Variants in SYT4 observed in about 807,000 individuals in gnomAD.
SYT4 encodes the protein synaptotagmin-4.
A neutral mutation model predicts 32.9 loss-of-function variants in SYT4; 7 were observed. The ratio of observed to expected loss-of-function variants is 0.21; its 90% confidence interval spans 0.12 to 0.40. SYT4 has a LOEUF of 0.40. Ranked by LOEUF, SYT4 falls within the 10% of genes least tolerant of loss-of-function variation. SYT4 has a pLI of 1.00. For missense variants in SYT4, 480 were observed against 488.0 expected, an observed-to-expected ratio of 0.98 and a Z score of 0.16; for synonymous variants, 205 against 186.2, an observed-to-expected ratio of 1.10 and a Z score of -0.82.
intron 2 of SYT4, among the ~76,000 whole-genome samples, chr18:43,273,199 A>G (rs1428707534): frequency 6.6e-6 from 1 of 152,156 alleles, no homozygotes; most frequent in Non-Finnish European, 1.5e-5. Flanking sequence ...TTTCAATTTT[A>G]AATTCAATTA....
At position 43,270,245 on chromosome 18, in the gene SYT4, T is replaced by C; in HGVS notation, c.*96A>G. ...AGCAACAACAACAACAACAAAAAGGTAGCTTGATTTCCCAAGCTTGCAATC... is the reference window on the plus strand; with the variant it reads ...AGCAACAACAACAACAACAAAAAGGCAGCTTGATTTCCCAAGCTTGCAATC... On this transcript the variant is annotated 3_prime_UTR_variant, in exon 4 of 4. Coordinates refer to ENST00000255224, the MANE Select transcript of SYT4 (RefSeq NM_020783.4). 3 of 1,299,420 alleles carry C rather than the reference T, an allele frequency of 2.3e-6. No homozygotes were observed. The highest frequency in any genetic ancestry group is 3.2e-6 in the Non-Finnish European group (3 of 938,068). The allele number at this position is 1,299,420 out of a possible 1,614,324, so 80.5% of individuals were successfully genotyped here.
In SYT4 at chr18:43,277,237, A is replaced by G; in HGVS notation, c.34+11T>C. 1 of 1,614,000 alleles carries G rather than the reference A, an allele frequency of 6.2e-7. No individual in the cohort carries two copies. The highest frequency in any genetic ancestry group is 8.5e-7 in the Non-Finnish European group (1 of 1,179,922). Reference sequence around the variant, plus strand: ...GAATAACCGCAGTCATAAGTTCAGTAACTTGCTTACCAAATTCTTCCCGGC... The same window carrying G: ...GAATAACCGCAGTCATAAGTTCAGTGACTTGCTTACCAAATTCTTCCCGGC... On this transcript the variant is annotated intron_variant, in intron 1 of 3. Transcript: ENST00000255224.
rs1257933033 is a variant in SYT4, at chr18:43,269,978, C to T, written c.*363G>A. 1.6e-5 allele frequency: 3 copies of T among 186,220 alleles called. No homozygotes were observed. Among genetic ancestry groups the T allele is most frequent in the African/African-American group, 2.4e-5 (1 of 42,474 alleles). The allele number at this position is 186,220 out of a possible 1,614,324, so 11.5% of individuals were successfully genotyped here. A position where few individuals can be genotyped will look rare whatever the true frequency, so the allele number is the denominator to read the frequency against. ...TTTTCACAAGGCAAGGCATACTTTT[C>T]GTTTTTAAATCTTAATCACATTAAC... On this transcript the variant is annotated 3_prime_UTR_variant, in exon 4 of 4. Coordinates refer to ENST00000255224, the MANE Select transcript of SYT4 (RefSeq NM_020783.4).
At chr18:43,271,565 A>C (rs1908630604) in intron 3 of SYT4, 147 bp downstream of exon 3, 3 of 1,064,514 alleles carry the variant, frequency 2.8e-6, no homozygotes, top group Non-Finnish European at 3.9e-6. Context: ...TTTTTTGTAA[A>C]GCTAGTCATA....
At position 43,270,740 on chromosome 18, in the gene SYT4, A is replaced by G. The variant is rs1304207354; in HGVS notation, c.971-92T>C. ...GTGCCCTTAGAGATCATGGCATGCC[A>G]ATGACATGTGGTTACCAGGAAAATA... is the stretch of plus-strand genomic sequence containing the variant. On this transcript the variant is annotated intron_variant, in intron 3 of 3. Coordinates refer to ENST00000255224, the MANE Select transcript of SYT4 (RefSeq NM_020783.4). 11 of 1,351,424 alleles carry G rather than the reference A, an allele frequency of 8.1e-6. No homozygotes were observed. The East Asian group carries it at 1.6e-4, about 20-fold the overall frequency. 83.7% of individuals were successfully genotyped at this position (1,351,424 alleles called of 1,614,324 possible).
rs1046276785 is a variant in SYT4 at position 43,269,867 on chromosome 18, A to G, written c.*474T>C. 6.2e-6 allele frequency: 1 copy of G among 161,916 alleles called. No individual in the cohort carries two copies. The highest frequency in any genetic ancestry group is 1.4e-5 in the Non-Finnish European group (1 of 73,346). 10.0% of individuals were successfully genotyped at this position (161,916 alleles called of 1,614,324 possible). A position where few individuals can be genotyped will look rare whatever the true frequency, so the allele number is the denominator to read the frequency against. ...ACAACCATTTGCACATGACAGAATT[A>G]ATAAATACAAACTGGAGGACATTTT... On this transcript the variant is annotated 3_prime_UTR_variant, in exon 4 of 4. Transcript: ENST00000255224.
Position 43,270,312 on chromosome 18 carries a change from C to G in SYT4, c.*29G>C. On this transcript the variant is annotated 3_prime_UTR_variant, in exon 4 of 4. Coordinates refer to ENST00000255224, the MANE Select transcript of SYT4 (RefSeq NM_020783.4). The stretch of plus-strand genomic sequence containing the variant: ...AAAATTTCTCCTTGCCTAGTAAAAA[C>G]CTTTAAGTTCCAACTCACGGCTAGG... The G allele has an allele frequency of 6.3e-7, 1 of 1,598,962 alleles. No homozygotes were observed. The highest frequency in any genetic ancestry group is 8.5e-7 in the Non-Finnish European group (1 of 1,171,178).
chr18:43,271,584 A>T, intron 3 of SYT4, 128 bp downstream of exon 3: 1 of 1,269,046 alleles, frequency 7.9e-7, no homozygotes, highest in Non-Finnish European at 1.1e-6. Flanking sequence ...TAAAACTAAA[A>T]GCTAACTTTT....
intron 1 of SYT4, 86 bp downstream of exon 1, chr18:43,277,162 C>T: frequency 6.4e-7 from 1 of 1,553,692 alleles, no homozygotes; most frequent in Non-Finnish European, 8.8e-7. Flanking sequence ...CTGTATTCAA[C>T]AACCGGGCAA....
chr18:43,273,146 A>G (rs1384561180), intron 2 of SYT4, among the ~76,000 whole-genome samples: 1 of 151,972 alleles, frequency 6.6e-6, no homozygotes, highest in Non-Finnish European at 1.5e-5. Context: ...TGGAAAGTCA[A>G]TACAATTTCC....
chr18:43,277,165 C>T, intron 1 of SYT4, 83 bp downstream of exon 1: 1 of 1,559,456 alleles, frequency 6.4e-7, no homozygotes, highest in Non-Finnish European at 8.8e-7. Flanking sequence ...TATTCAACAA[C>T]CGGGCAAAAA....
rs745806761 is a variant in SYT4, at chr18:43,270,565, C to A, written c.1054G>T (p.Ala352Ser). 4 of 1,614,024 alleles carry A rather than the reference C, an allele frequency of 2.5e-6. No homozygotes were observed. The highest frequency in any genetic ancestry group is 3.4e-6 in the Non-Finnish European group (4 of 1,179,962). ...AAGACAAACAGCTCATTGAACACTGCATTGGGGGTGCATTTCTTCACATGA... is the reference window on the plus strand; with the variant it reads ...AAGACAAACAGCTCATTGAACACTGAATTGGGGGTGCATTTCTTCACATGA... ...KTHVKKCTPNAVFNELFVFDI... is the reference protein window; with the variant it reads ...KTHVKKCTPNSVFNELFVFDI... The change falls in exon 4 of 4, where the codon GCA (alanine) becomes TCA (serine). Residue 352 changes from alanine to serine, a missense_variant. By Grantham distance (99) the Ala-to-Ser change is moderately conservative. Transcript: ENST00000255224.
At position 43,269,894 on chromosome 18, in the gene SYT4, T is replaced by G. The variant is rs1031243584; in HGVS notation, c.*447A>C. On this transcript the variant is annotated 3_prime_UTR_variant, in exon 4 of 4. Coordinates refer to ENST00000255224, the MANE Select transcript of SYT4 (RefSeq NM_020783.4). ...TAAATACAAACTGGAGGACATTTTT[T>G]TAGTATCTTTGGATTTAAAGAAAAA... is the stretch of plus-strand genomic sequence containing the variant. 6.1e-6 allele frequency: 1 copy of G among 164,162 alleles called. No homozygotes were observed. The highest frequency in any genetic ancestry group is 2.4e-5 in the African/African-American group (1 of 41,548). The allele number at this position is 164,162 out of a possible 1,614,324, so 10.2% of individuals were successfully genotyped here.
At chr18:43,276,415 C>T (rs1382914138) in intron 1 of SYT4, among the ~76,000 whole-genome samples, 8 of 152,098 alleles carry the variant, frequency 5.3e-5, no homozygotes, top group Non-Finnish European at 7.4e-5. Context: ...TTAAAAAATA[C>T]GTGTAAGTAA....
intron 3 of SYT4, 145 bp from the exon 4 acceptor site, chr18:43,270,793 A>AGAG: frequency 1.2e-6 from 1 of 800,376 alleles, no homozygotes; most frequent in Non-Finnish European, 1.9e-6. Context: ...AATATGGATA[A>AGAG]AACTTGGCAT....
rs1272271006 is a variant in SYT4 at position 43,273,796 on chromosome 18, C to T, written c.633G>A (p.Leu211=). The change falls in exon 2 of 4, where the codon CTG becomes CTA. Residue 211 remains leucine (L), a synonymous_variant. Transcript: ENST00000255224. The part of the protein sequence containing the change: ...EKKHKVKTRV[L]RKTLDPAFDE... ...CAAAAGCTGGATCCAAGGTTTTTCT[C>T]AGCACTCTAGTTTTCACTTTATGCT... The T allele has an allele frequency of 6.2e-7, 1 of 1,614,022 alleles. No individual in the cohort carries two copies. Among genetic ancestry groups the T allele is most frequent in the Non-Finnish European group, 8.5e-7 (1 of 1,179,926 alleles).
In SYT4 at chr18:43,277,333, A is replaced by G. The variant is rs1236502022; in HGVS notation, c.-52T>C. On this transcript the variant is annotated 5_prime_UTR_variant, in exon 1 of 4. Transcript: ENST00000255224. Reference sequence around the variant, plus strand: ...GCTGAAGGGAAAACTGCCTGGCTGGATTCACTTGCCTGGATCTCAAGCGCC... The same window carrying G: ...GCTGAAGGGAAAACTGCCTGGCTGGGTTCACTTGCCTGGATCTCAAGCGCC... 6.2e-7 allele frequency: 1 copy of G among 1,610,340 alleles called. No homozygotes were observed. The highest frequency in any genetic ancestry group is 1.3e-5 in the African/African-American group (1 of 74,900).
In SYT4 at chr18:43,269,432, C is replaced by T. The variant is rs1039205090; in HGVS notation, c.*909G>A. The T allele has an allele frequency of 3.9e-5, 6 of 152,404 alleles. No individual in the cohort carries two copies. The highest frequency in any genetic ancestry group is 1.4e-4 in the African/African-American group (6 of 41,548). 9.4% of individuals were successfully genotyped at this position (152,404 alleles called of 1,614,324 possible). On this transcript the variant is annotated 3_prime_UTR_variant, in exon 4 of 4. Transcript: ENST00000255224. ...TGGCCATGCCGACTCTGGGTACAAA[C>T]GATGGCCTTAAAAGTACACTTGCAC... is the stretch of plus-strand genomic sequence containing the variant.
At position 43,277,245 on chromosome 18, in the gene SYT4, T is replaced by C. The variant is rs747896815; in HGVS notation, c.34+3A>G. The C allele has an allele frequency of 3.1e-6, 5 of 1,613,910 alleles. No individual in the cohort carries two copies. In the African/African-American group the frequency reaches 6.7e-5, roughly 22 times the overall value. ...GCAGTCATAAGTTCAGTAACTTGCT[T>C]ACCAAATTCTTCCCGGCTGGTGGTG... On this transcript the variant is annotated splice_donor_region_variant and intron_variant, in intron 1 of 3. Transcript: ENST00000255224.
Sources: gnomAD v4.1 joint callset for allele counts (sites outside exome capture counted in the v4.1 genomes callset) on GRCh38, gnomAD v4.1.1 for gene constraint, MANE v1.5 for transcripts, NCBI Gene and HGNC (gene_info 2026-07-23, HGNC 2026-07-21) for gene names.